Variants in SNTG2 observed in about 807,000 individuals in gnomAD.
The protein encoded by SNTG2 is gamma-2-syntrophin.
A neutral mutation model predicts 70.9 loss-of-function variants in SNTG2; 74 were observed. That is an observed-to-expected ratio of 1.04 (90% confidence interval 0.86 to 1.27). The LOEUF (loss-of-function observed/expected upper bound fraction) is 1.27, where lower values mean the gene tolerates loss of function less well. Ranked by LOEUF, SNTG2 falls within the 50% of genes most tolerant of loss-of-function variation. The pLI is 0.00. For synonymous variants in SNTG2, 278 were observed against 273.8 expected, an observed-to-expected ratio of 1.02 and a Z score of -0.15; for missense variants, 717 against 690.7, an observed-to-expected ratio of 1.04 and a Z score of -0.43.
At chr2:1,347,930 G>T (rs1464669818) in intron 16 of SNTG2, among the ~76,000 whole-genome samples, 1 of 151,854 alleles carries the variant, frequency 6.6e-6, no homozygotes, top group South Asian at 2.1e-4. Context: ...GTAGCTTATG[G>T]TATTTAATTT....
intron 8 of SNTG2, 51 bp from the exon 9 acceptor site, chr2:1,209,052 A>C (rs1673858961): frequency 6.2e-7 from 1 of 1,601,210 alleles, no homozygotes; most frequent in South Asian, 1.1e-5. Flanking sequence ...CTCTCCCCGC[A>C]TGCAGCCTCC....
rs541398663 is a variant in SNTG2 at position 1,097,239 on chromosome 2, T to C, written c.211-957T>C. ...AAGCCCTCACAGCAGCCTCCCTGCA[T>C]CTGCACCTGCACCGCTGGCCGGGGC... On this transcript the variant is annotated intron_variant, in intron 2 of 16. Transcript: ENST00000308624. This position sits in a 1 kb window ranked among gnomAD's most constrained non-coding sequence, Gnocchi z 4.1. 1.1e-4 allele frequency among the ~76,000 whole-genome samples: 17 copies of C among 152,324 alleles called. No homozygotes were observed. Among genetic ancestry groups the C allele is most frequent in the African/African-American group, 4.1e-4 (17 of 41,576 alleles).
At position 1,069,373 on chromosome 2, in the gene SNTG2, A is replaced by G. The variant is rs567296917; in HGVS notation, c.73-14145A>G. Among the ~76,000 whole-genome samples the G allele has an allele frequency of 2.0e-5, 3 of 152,066 alleles. No individual in the cohort carries two copies. In the East Asian group the frequency reaches 5.8e-4, roughly 29 times the overall value. On this transcript the variant is annotated intron_variant, in intron 1 of 16. Transcript: ENST00000308624. ...AAAAACCTCTTGTCTTCTGATTTACATTCTGAAAGTAGTCCAACCTGTGCG... is the reference window on the plus strand; with the variant it reads ...AAAAACCTCTTGTCTTCTGATTTACGTTCTGAAAGTAGTCCAACCTGTGCG...
chr2:1,328,944 C>T (rs1681875834), intron 16 of SNTG2, among the ~76,000 whole-genome samples: 1 of 152,046 alleles, frequency 6.6e-6, no homozygotes, highest in Non-Finnish European at 1.5e-5. Context: ...CACACATGCA[C>T]ATATACACAT....
intron 1 of SNTG2, among the ~76,000 whole-genome samples, chr2:1,076,851 A>G (rs894327877): frequency 1.3e-5 from 2 of 152,240 alleles, no homozygotes; most frequent in Non-Finnish European, 2.9e-5. Flanking sequence ...ATGCATTTTC[A>G]TAATTTTAAA....
At position 1,367,477 on chromosome 2, in the gene SNTG2, G is replaced by T. The variant is rs961248758; in HGVS notation, c.*3G>T. ...GAAAATACATGTACAGCAGCTAAAG[G>T]TTGTTTCTGTTGAGTGCTGAAAAAT... On this transcript the variant is annotated 3_prime_UTR_variant, in exon 17 of 17. Coordinates refer to ENST00000308624, the MANE Select transcript of SNTG2 (RefSeq NM_018968.4). 1 of 1,545,242 alleles carries T rather than the reference G, an allele frequency of 6.5e-7. No individual in the cohort carries two copies. Among genetic ancestry groups the T allele is most frequent in the Non-Finnish European group, 8.7e-7 (1 of 1,145,374 alleles).
chr2:1,300,381 C>T (rs1004001823), intron 14 of SNTG2, among the ~76,000 whole-genome samples: 4 of 152,142 alleles, frequency 2.6e-5, no homozygotes, highest in African/African-American at 7.2e-5. Flanking sequence ...TGCTTTAGGC[C>T]GAAGAAAGCA....
Position 1,183,749 on chromosome 2 carries a change from C to CA in SNTG2, c.591+10572dup, listed in dbSNP as rs200851036. ...CTCAGTTCATGAAGTTTTTCTTTTT[C>CA]AAAAAACTCAGATGCAAAAGGCATT... On this transcript the variant is annotated intron_variant, in intron 8 of 16. Coordinates refer to ENST00000308624, the MANE Select transcript of SNTG2 (RefSeq NM_018968.4). 6.2e-4 allele frequency among the ~76,000 whole-genome samples: 94 copies of CA among 151,858 alleles called. 2 individuals are homozygous for CA. In the East Asian group the frequency reaches 0.017, roughly 27 times the overall value.
At chr2:980,829 T>C (rs1336110018) in intron 1 of SNTG2, among the ~76,000 whole-genome samples, 1 of 152,220 alleles carries the variant, frequency 6.6e-6, no homozygotes, top group Non-Finnish European at 1.5e-5. Flanking sequence ...ACGGGTTAGA[T>C]AATAAAGGAT....
chr2:1,249,084 C>T (rs191003506), intron 12 of SNTG2, among the ~76,000 whole-genome samples: 98 of 152,240 alleles, frequency 6.4e-4, no homozygotes, highest in Middle Eastern at 6.8e-3. Context: ...GAATTGCTAA[C>T]GTGCGTAAAC....
intron 1 of SNTG2, among the ~76,000 whole-genome samples, chr2:1,054,343 T>G (rs1034047617): frequency 6.6e-6 from 1 of 152,164 alleles, no homozygotes; most frequent in Admixed American, 6.5e-5. Context: ...TTCACTCTTC[T>G]TCGTGCCAAG....
rs1034570199 is a variant in SNTG2 at position 1,247,309 on chromosome 2, A to G, written c.889-18A>G. On this transcript the variant is annotated intron_variant, in intron 11 of 16. Coordinates refer to ENST00000308624, the MANE Select transcript of SNTG2 (RefSeq NM_018968.4). ...TGCCCTCATTAAGGCTTGGTTTGTA[A>G]TTTTCACCCCTCTGCAGGTTGTGCA... is the stretch of plus-strand genomic sequence containing the variant. The G allele has an allele frequency of 6.5e-7, 1 of 1,545,654 alleles. No individual in the cohort carries two copies. The highest frequency in any genetic ancestry group is 8.9e-7 in the Non-Finnish European group (1 of 1,129,222).
intron 13 of SNTG2, among the ~76,000 whole-genome samples, chr2:1,262,458 A>G (rs1484200430): frequency 6.6e-6 from 1 of 152,246 alleles, no homozygotes; most frequent in Non-Finnish European, 1.5e-5. Context: ...AGCCAGCAAG[A>G]GACTTCTAGA....
In SNTG2 at chr2:1,209,164, A is replaced by T; in HGVS notation, c.653A>T (p.Asp218Val). The T allele has an allele frequency of 6.2e-7, 1 of 1,613,940 alleles. No homozygotes were observed. The highest frequency in any genetic ancestry group is 8.5e-7 in the Non-Finnish European group (1 of 1,179,880). ...CCGAGGTATGAGAAGCGCTGGCTGG[A>T]CACCTTGTCCGTGCCTCTGTCCATG... ...KDPRYEKRWL[D>V]TLSVPLSMAR... Residue 218 changes from aspartate (D) to valine (V), a missense_variant, in exon 9 of 17, where the codon GAC becomes GTC. Transcript: ENST00000308624.
chr2:1,176,013 A>G (rs1338726135), intron 8 of SNTG2, among the ~76,000 whole-genome samples: 5 of 152,212 alleles, frequency 3.3e-5, no homozygotes, highest in Admixed American at 2.6e-4. Context: ...CCTCATGTCA[A>G]GGAGTAATTG....
chr2:1,024,075 A>C (rs1372400508), intron 1 of SNTG2, among the ~76,000 whole-genome samples: 1 of 152,140 alleles, frequency 6.6e-6, no homozygotes, highest in Non-Finnish European at 1.5e-5. Context: ...GCTCTCGTGG[A>C]GGGGAAGTGG....
At chr2:1,328,899 GCA>G (rs888165744) in intron 16 of SNTG2, among the ~76,000 whole-genome samples, 43 of 128,050 alleles carry the variant, frequency 3.4e-4, no homozygotes, top group African/African-American at 9.2e-4. Context: ...ACACATGCAT[GCA>G]CACACACATG....
intron 1 of SNTG2, among the ~76,000 whole-genome samples, chr2:974,459 TG>T (rs1283171888): frequency 1.3e-5 from 2 of 152,156 alleles, no homozygotes; most frequent in Admixed American, 6.6e-5. Context: ...AGTTTGACCC[TG>T]GGGTGAGCGT....
In SNTG2 at chr2:1,209,188, T is replaced by C. The variant is rs371440496; in HGVS notation, c.677T>C (p.Met226Thr). 3 of 1,613,876 alleles carry C rather than the reference T, an allele frequency of 1.9e-6. No individual in the cohort carries two copies. The highest frequency in any genetic ancestry group is 3.3e-5 in the Admixed American group (2 of 60,004). ...WLDTLSVPLSMARISRYKAGT... is the reference protein window; with the variant it reads ...WLDTLSVPLSTARISRYKAGT... Reference sequence around the variant, plus strand: ...GACACCTTGTCCGTGCCTCTGTCCATGGCTCGCATCTCAAGGTACAAAGCC... The same window carrying C: ...GACACCTTGTCCGTGCCTCTGTCCACGGCTCGCATCTCAAGGTACAAAGCC... Residue 226 changes from methionine (M) to threonine (T), a missense_variant, in exon 9 of 17, where the codon ATG becomes ACG. By Grantham distance (81) the Met-to-Thr change is moderately conservative. Transcript: ENST00000308624.
Sources: allele counts gnomAD v4.1 joint callset (sites outside exome capture counted in the v4.1 genomes callset), GRCh38; gene constraint gnomAD v4.1.1; non-coding constraint Gnocchi (gnomAD v3.1); transcripts MANE v1.5; gene names NCBI Gene and HGNC (gene_info 2026-07-23, HGNC 2026-07-21).